The following CCDC93 variants were observed in gnomAD, a reference collection of about 807,000 sequenced individuals.
The protein encoded by CCDC93 is coiled-coil domain-containing protein 93.
Under a neutral mutation model 108.2 loss-of-function variants are expected in CCDC93, and 61 were observed. The observed-to-expected ratio is 0.56, with a 90% CI of 0.46 to 0.70. The LOEUF is 0.70. Ranked by LOEUF, CCDC93 falls within the 30% of genes least tolerant of loss-of-function variation. The pLI, the probability that CCDC93 is intolerant of heterozygous loss-of-function variation, is 0.00. For missense variants in CCDC93, 685 were observed against 764.2 expected (o/e 0.90, Z 1.22); for synonymous variants, 276 against 260.4 (o/e 1.06, Z -0.58).
intron 20 of CCDC93, among the ~76,000 whole-genome samples, chr2:117,938,581 A>AG: frequency 6.7e-6 from 1 of 149,220 alleles, no homozygotes. Flanking sequence ...AGACGAAGGG[A>AG]GTGACAGTGA....
Position 117,986,074 on chromosome 2 carries a change from G to A in CCDC93, c.520-5C>T, listed in dbSNP as rs758627488. On this transcript the variant is annotated splice_polypyrimidine_tract_variant and splice_region_variant and intron_variant, in intron 6 of 23. Transcript: ENST00000376300. ...CCGACGGGGCTTGTACACTTCCTAA[G>A]TGGATGAGACAGCCAAGTTACTGAG... 8.2e-6 allele frequency: 13 copies of A among 1,591,186 alleles called. No individual in the cohort carries two copies. Among genetic ancestry groups the A allele is most frequent in the Non-Finnish European group, 1.1e-5 (13 of 1,160,936 alleles).
chr2:117,946,134 C>T (rs927034191), intron 16 of CCDC93, among the ~76,000 whole-genome samples: 3 of 152,136 alleles, frequency 2.0e-5, no homozygotes, highest in African/African-American at 7.2e-5. Flanking sequence ...CTGGGCATGG[C>T]AGTGTCCTGT....
rs369060260 is a variant in CCDC93 at position 117,961,958 on chromosome 2, G to A, written c.889-3477C>T. Among the ~76,000 whole-genome samples, 173 of 152,296 alleles carry A rather than the reference G, an allele frequency of 1.1e-3. 3 individuals carry two copies. Among genetic ancestry groups the A allele is most frequent in the African/African-American group, 4.0e-3 (165 of 41,556 alleles). ...TGTTCAACATTTTCAGATTAAGAAC[G>A]TGCTTTCAAAACCACATTGTGGATT... On this transcript the variant is annotated intron_variant, in intron 11 of 23. Coordinates refer to ENST00000376300, the MANE Select transcript of CCDC93 (RefSeq NM_019044.5).
At chr2:117,983,145 C>T (rs770334455) in intron 7 of CCDC93, among the ~76,000 whole-genome samples, 1 of 152,148 alleles carries the variant, frequency 6.6e-6, no homozygotes, top group African/African-American at 2.4e-5. Flanking sequence ...TTAAATACCA[C>T]GCCTAGAACC....
chr2:117,995,580 T>TA, intron 5 of CCDC93, 78 bp from the exon 6 acceptor site: 1 of 1,091,554 alleles, frequency 9.2e-7, no homozygotes, highest in Non-Finnish European at 1.4e-6. Context: ...ATATGTCTTA[T>TA]AAATTGACTT....
At chr2:117,936,554 G>A (rs1678531468) in intron 21 of CCDC93, 148 bp downstream of exon 21, 1 of 718,198 alleles carries the variant, frequency 1.4e-6, no homozygotes, top group South Asian at 1.6e-5. Flanking sequence ...AAGATACTTA[G>A]CAGAAGGGCT....
chr2:117,947,819 G>A (rs990849835), intron 15 of CCDC93, among the ~76,000 whole-genome samples: 4 of 150,134 alleles, frequency 2.7e-5, no homozygotes, highest in African/African-American at 7.3e-5. Flanking sequence ...TCAGCCTCCC[G>A]AGTAGCTGGG....
At chr2:117,978,744 A>C (rs1289031189) in intron 7 of CCDC93, among the ~76,000 whole-genome samples, 1 of 152,188 alleles carries the variant, frequency 6.6e-6, no homozygotes, top group African/African-American at 2.4e-5. Flanking sequence ...ACGCCTGCAA[A>C]GTGCTGTAAT....
At chr2:118,002,498 G>A (rs1233208145) in intron 3 of CCDC93, among the ~76,000 whole-genome samples, 1 of 152,130 alleles carries the variant, frequency 6.6e-6, no homozygotes. Context: ...TTCACAAGTT[G>A]GGACCAAGGT....
Position 117,946,820 on chromosome 2 carries a change from T to G in CCDC93, c.1287A>C (p.Gly429=). The part of the protein sequence containing the change: ...ENLKAERAPR[G]DEKTLSSGEP... ...AATTCAGAGCCTTTACCTTTTCATC[T>G]CCACGTGGTGCTCTCTCAGCTTTCA... Residue 429 remains glycine, a synonymous_variant, in exon 16 of 24, where the codon GGA becomes GGC. Coordinates refer to ENST00000376300, the MANE Select transcript of CCDC93 (RefSeq NM_019044.5). 1 of 1,612,028 alleles carries G rather than the reference T, an allele frequency of 6.2e-7. No individual in the cohort carries two copies. Among genetic ancestry groups the G allele is most frequent in the East Asian group, 2.2e-5 (1 of 44,876 alleles).
At chr2:118,012,655 A>G (rs976433462) in intron 1 of CCDC93, 1 of 152,236 alleles carries the variant, frequency 6.6e-6, no homozygotes. Flanking sequence ...TCACAGTACA[A>G]ATCCTATTGT....
chr2:117,921,981 G>C lies in CCDC93; in HGVS notation c.1843-1585C>G, dbSNP rs1340133818. 4.0e-5 allele frequency among the ~76,000 whole-genome samples: 6 copies of C among 151,836 alleles called. No individual in the cohort carries two copies. The East Asian group carries it at 9.6e-4, about 24-fold the overall frequency. ...GCTGGGTTCCTTTTAAAAATGGCTT[G>C]AGATGTACTTGGGGGGAAAAAAGAC... On this transcript the variant is annotated intron_variant, in intron 23 of 23. Coordinates refer to ENST00000376300, the MANE Select transcript of CCDC93 (RefSeq NM_019044.5).
At chr2:117,971,535 G>A (rs1208079979) in intron 11 of CCDC93, among the ~76,000 whole-genome samples, 9 of 152,222 alleles carry the variant, frequency 5.9e-5, no homozygotes, top group South Asian at 4.1e-4. Context: ...GCCAGGCACC[G>A]TTTGAGGCAT....
At chr2:117,922,151 C>T (rs1277473921) in intron 23 of CCDC93, among the ~76,000 whole-genome samples, 1 of 152,096 alleles carries the variant, frequency 6.6e-6, no homozygotes, top group African/African-American at 2.4e-5. Flanking sequence ...TAAACTGTCA[C>T]CCACCTCACC....
At chr2:117,965,352 A>G (rs1679527633) in intron 11 of CCDC93, among the ~76,000 whole-genome samples, 3 of 152,122 alleles carry the variant, frequency 2.0e-5, no homozygotes, top group Admixed American at 2.0e-4. Flanking sequence ...TAGAAATCAC[A>G]CAGGTGGCAG....
chr2:117,917,057 T>C lies in CCDC93; in HGVS notation c.*3286A>G, dbSNP rs1007509129. ...CCTTAAAGTGTTCTTCCTCAATGCA[T>C]GTTTCAACATCTGCACTTCAGAACA... On this transcript the variant is annotated 3_prime_UTR_variant, in exon 24 of 24. Transcript: ENST00000376300. 5.9e-5 allele frequency: 9 copies of C among 152,434 alleles called. No individual in the cohort carries two copies. The highest frequency in any genetic ancestry group is 1.9e-4 in the African/African-American group (8 of 41,576). The allele number at this position is 152,434 out of a possible 1,614,324, so 9.4% of individuals were successfully genotyped here.
intron 15 of CCDC93, among the ~76,000 whole-genome samples, 175 bp from the exon 16 acceptor site, chr2:117,947,057 G>A (rs1317137366): frequency 1.3e-5 from 2 of 152,202 alleles, no homozygotes; most frequent in Non-Finnish European, 2.9e-5. Flanking sequence ...GTTCTTTTCA[G>A]GAGGCTACAG....
chr2:117,929,283 C>T lies in CCDC93; in HGVS notation c.1842+1754G>A, dbSNP rs1178682912. ...AATAAAAAAAAGAAATATGCAAAAA[C>T]ATATTTCATCCCCTCCCCCTCTTCT... On this transcript the variant is annotated intron_variant, in intron 23 of 23. Transcript: ENST00000376300. Among the ~76,000 whole-genome samples, 11 of 152,210 alleles carry T rather than the reference C, an allele frequency of 7.2e-5. No homozygotes were observed. The East Asian group carries it at 2.1e-3, about 29-fold the overall frequency.
At chr2:117,927,978 T>G (rs561008041) in intron 23 of CCDC93, among the ~76,000 whole-genome samples, 103 of 152,282 alleles carry the variant, frequency 6.8e-4, no homozygotes, top group African/African-American at 2.4e-3. Flanking sequence ...CATCTGATCT[T>G]TGACAAACCT....
Sources: gnomAD v4.1 joint callset for allele counts (sites outside exome capture counted in the v4.1 genomes callset) on GRCh38, gnomAD v4.1.1 for gene constraint, MANE v1.5 for transcripts, NCBI Gene and HGNC (gene_info 2026-07-23, HGNC 2026-07-21) for gene names.